The following PARD3B variants were observed in gnomAD, a reference collection of about 807,000 sequenced individuals.
The protein encoded by PARD3B is partitioning defective 3 homolog B.
In PARD3B, 103 loss-of-function variants were observed where a neutral mutation model predicts 130.2. The observed-to-expected ratio is 0.79, with a 90% confidence interval of 0.67 to 0.93. The LOEUF is 0.93. Among genes scored for constraint, PARD3B ranks in the 40% least tolerant of loss-of-function variants. The probability of loss-of-function intolerance (pLI) is 0.00; values close to 1 mark genes in which losing one functional copy is unlikely to be tolerated. For synonymous variants in PARD3B, 583 were observed against 553.2 expected (o/e 1.05, Z -0.76); for missense variants, 1,609 against 1,499.2 (o/e 1.07, Z -1.21).
chr2:205,539,290 G>A (rs1291399338), intron 21 of PARD3B, among the ~76,000 whole-genome samples: 1 of 152,200 alleles, frequency 6.6e-6, no homozygotes, highest in Non-Finnish European at 1.5e-5. Context: ...TGCAGATTGA[G>A]TCAGATGATG....
At chr2:204,768,720 C>G (rs2041242853) in intron 2 of PARD3B, among the ~76,000 whole-genome samples, 1 of 50,088 alleles carries the variant, frequency 2.0e-5, no homozygotes, top group Non-Finnish European at 3.6e-5. Context: ...CCTTCACATC[C>G]CTTGTAAGTT....
At chr2:205,172,487 C>A in intron 12 of PARD3B, 106 bp downstream of exon 12, 1 of 1,178,290 alleles carries the variant, frequency 8.5e-7, no homozygotes, top group Non-Finnish European at 1.2e-6. Flanking sequence ...GAAAATATGC[C>A]CCAGAAGGGC....
chr2:204,706,345 C>T (rs548187107), intron 2 of PARD3B, among the ~76,000 whole-genome samples: 45 of 144,306 alleles, frequency 3.1e-4, no homozygotes, highest in Non-Finnish European at 4.5e-4. Flanking sequence ...CCAGCCTGGG[C>T]GACAGAGTGA....
chr2:204,998,573 CTT>C (rs550014216), intron 3 of PARD3B, among the ~76,000 whole-genome samples: 19 of 142,292 alleles, frequency 1.3e-4, no homozygotes, highest in African/African-American at 4.7e-4. Flanking sequence ...AAATGAAAAA[CTT>C]TTTTTTTAGG....
rs1288634901 is a variant in PARD3B, at chr2:205,592,737, C to G, written c.3261-22719C>G. On this transcript the variant is annotated intron_variant, in intron 22 of 22. Transcript: ENST00000406610. The surrounding 1 kb of genome is among the most constrained non-coding windows in gnomAD (Gnocchi z 4.5). ...TAGCTCATAGGAGGGGCATCTGATT[C>G]AGAAGTAAAGGATCAGGAAGAAGCG... 3.0e-4 allele frequency among the ~76,000 whole-genome samples: 45 copies of G among 152,184 alleles called. No homozygotes were observed. Among genetic ancestry groups the G allele is most frequent in the Non-Finnish European group, 4.4e-5 (3 of 68,026 alleles).
At chr2:205,076,642 G>T (rs1341427885) in intron 4 of PARD3B, among the ~76,000 whole-genome samples, 1 of 152,156 alleles carries the variant, frequency 6.6e-6, no homozygotes, top group African/African-American at 2.4e-5. Flanking sequence ...TGTCACATCA[G>T]TGGCAGCATT....
At chr2:204,654,806 A>G (rs1168631240) in intron 1 of PARD3B, among the ~76,000 whole-genome samples, 1 of 152,002 alleles carries the variant, frequency 6.6e-6, no homozygotes, top group Non-Finnish European at 1.5e-5. Context: ...TTTTTTGTTT[A>G]TTTCTGGGCA....
chr2:205,497,680 A>G (rs959860966), intron 20 of PARD3B, among the ~76,000 whole-genome samples: 2 of 151,884 alleles, frequency 1.3e-5, no homozygotes, highest in South Asian at 2.1e-4. Context: ...TACTCACACA[A>G]GAGAGAAGAT....
chr2:205,135,107 T>TA (rs2032366986), intron 10 of PARD3B, among the ~76,000 whole-genome samples: 1 of 152,158 alleles, frequency 6.6e-6, no homozygotes, highest in South Asian at 2.1e-4. Flanking sequence ...GAAAAAGAAT[T>TA]TTCTGAATTT....
intron 1 of PARD3B, among the ~76,000 whole-genome samples, chr2:204,594,187 G>A (rs1430668313): frequency 6.6e-6 from 1 of 152,130 alleles, no homozygotes; most frequent in African/African-American, 2.4e-5. Flanking sequence ...AGTGCCAGGC[G>A]ATACAGGACT....
intron 2 of PARD3B, among the ~76,000 whole-genome samples, chr2:204,932,511 C>T (rs1688105164): frequency 6.6e-6 from 1 of 152,062 alleles, no homozygotes; most frequent in East Asian, 1.9e-4. Flanking sequence ...AAAATGGTAT[C>T]CTTTCTCCAT....
chr2:205,121,669 G>A lies in PARD3B; in HGVS notation c.885G>A (p.Gln295=). The change falls in exon 8 of 23, where the codon CAG becomes CAA. Residue 295 remains glutamine (Q), a synonymous_variant. Transcript: ENST00000406610. This position sits in a 1 kb window ranked among gnomAD's most constrained non-coding sequence, Gnocchi z 5.0. ...TGCTTCCTCCACAAAACCGTGAACA[G>A]TATGAAAAGTCAGTCATTGGCTCTC... ...LHVLPPQNRE[Q]YEKSVIGSLN... 2 of 1,614,150 alleles carry A rather than the reference G, an allele frequency of 1.2e-6. No homozygotes were observed. Among genetic ancestry groups the A allele is most frequent in the Non-Finnish European group, 1.7e-6 (2 of 1,180,032 alleles).
At chr2:205,185,714 G>A (rs377185715) in intron 13 of PARD3B, 50 bp from the exon 14 acceptor site, 17 of 1,507,720 alleles carry the variant, frequency 1.1e-5, no homozygotes, top group East Asian at 2.3e-5. Context: ...ACCAGGCATC[G>A]AATGGTTCTG....
At chr2:205,057,664 TAC>T (rs565724886) in intron 4 of PARD3B, among the ~76,000 whole-genome samples, 2 of 146,898 alleles carry the variant, frequency 1.4e-5, no homozygotes, top group Non-Finnish European at 3.0e-5. Flanking sequence ...TACGTACATA[TAC>T]ATATATGTGT....
intron 3 of PARD3B, among the ~76,000 whole-genome samples, chr2:205,044,617 T>C: frequency 6.6e-6 from 1 of 152,190 alleles, no homozygotes; most frequent in South Asian, 2.1e-4. Flanking sequence ...TTGAGAAGTG[T>C]CTGTTCATGT....
intron 18 of PARD3B, among the ~76,000 whole-genome samples, chr2:205,334,555 T>G (rs764923391): frequency 2.2e-4 from 34 of 152,208 alleles, no homozygotes; most frequent in Non-Finnish European, 3.2e-4. Flanking sequence ...ATGTGTTTGT[T>G]GTCAGAGGGC....
intron 16 of PARD3B, among the ~76,000 whole-genome samples, chr2:205,251,277 A>G (rs1010960960): frequency 1.3e-5 from 2 of 152,150 alleles, no homozygotes; most frequent in African/African-American, 4.8e-5. Context: ...GTACATGTAC[A>G]GGAGTGTGTG....
chr2:204,684,611 G>A (rs6755557), intron 1 of PARD3B, among the ~76,000 whole-genome samples: 2,303 of 152,128 alleles, frequency 0.015, 45 homozygotes, highest in African/African-American at 0.052. Context: ...TTTGAAATCT[G>A]GCCTATTATA....
intron 22 of PARD3B, among the ~76,000 whole-genome samples, chr2:205,597,639 G>A (rs547444039): frequency 7.9e-5 from 12 of 152,314 alleles, no homozygotes; most frequent in Non-Finnish European, 1.8e-4. Flanking sequence ...ATTCCCACCA[G>A]CAGTGTATGA....
Sources: gnomAD v4.1 joint callset for allele counts (sites outside exome capture counted in the v4.1 genomes callset) on GRCh38, gnomAD v4.1.1 for gene constraint, Gnocchi (gnomAD v3.1) non-coding constraint, MANE v1.5 for transcripts, NCBI Gene and HGNC (gene_info 2026-07-23, HGNC 2026-07-21) for gene names.